Variants in PACRG observed in about 807,000 individuals in gnomAD.
The protein encoded by PACRG is parkin coregulated.
PACRG carries 29 observed loss-of-function variants against 29.7 expected under a neutral mutation model. The ratio of observed to expected loss-of-function variants is 0.98; its 90% CI spans 0.73 to 1.33. The LOEUF is 1.33. Among genes scored for constraint, PACRG ranks in the 40% most tolerant of loss-of-function variants. The probability of loss-of-function intolerance (pLI) is 0.00; values close to 1 mark genes in which losing one functional copy is unlikely to be tolerated. For synonymous variants in PACRG, 116 were observed against 118.7 expected (o/e 0.98, Z 0.15); for missense variants, 279 against 316.2 (o/e 0.88, Z 0.89).
At chr6:163,086,134 C>G (rs1363929223) in intron 3 of PACRG, among the ~76,000 whole-genome samples, 2 of 151,906 alleles carry the variant, frequency 1.3e-5, no homozygotes, top group African/African-American at 2.4e-5. Context: ...TCAACTGCCC[C>G]CAATCCTTAG....
intron 2 of PACRG, among the ~76,000 whole-genome samples, chr6:162,994,817 C>T (rs1166064146): frequency 6.6e-6 from 1 of 151,234 alleles, no homozygotes; most frequent in Non-Finnish European, 1.5e-5. Context: ...GAGAGGCGCT[C>T]TGCGTTTTAG....
At chr6:163,118,323 G>A (rs1050790321) in intron 4 of PACRG, among the ~76,000 whole-genome samples, 1 of 152,214 alleles carries the variant, frequency 6.6e-6, no homozygotes, top group African/African-American at 2.4e-5. Context: ...CCTCCTGAGT[G>A]ATAGTGGCAA....
At position 162,730,232 on chromosome 6, in the gene PACRG, T is replaced by C. The variant is rs563799911; in HGVS notation, c.156+1841T>C. ...CGTTTATACAAAATAACTTCAGTGG[T>C]ACAGGAAATAAAAATTTTCAATTTC... On this transcript the variant is annotated intron_variant, in intron 1 of 4. Coordinates refer to ENST00000366888, the MANE Select transcript of PACRG (RefSeq NM_001080379.2). Among the ~76,000 whole-genome samples the C allele has an allele frequency of 3.3e-5, 5 of 152,286 alleles. No individual in the cohort carries two copies. The East Asian group carries it at 9.6e-4, about 29-fold the overall frequency.
At chr6:162,997,443 G>T (rs1171256275) in intron 2 of PACRG, 1 of 453,472 alleles carries the variant, frequency 2.2e-6, no homozygotes, top group South Asian at 1.6e-5. Context: ...ACATCACCTT[G>T]GCCCTTAAGT....
chr6:163,269,623 G>C (rs1783657666), intron 4 of PACRG, among the ~76,000 whole-genome samples: 3 of 151,776 alleles, frequency 2.0e-5, no homozygotes, highest in African/African-American at 7.3e-5. Flanking sequence ...ATTCAATATG[G>C]TAAAGATATC....
intron 4 of PACRG, among the ~76,000 whole-genome samples, chr6:163,253,255 G>A (rs776945982): frequency 4.2e-4 from 60 of 144,530 alleles, no homozygotes; most frequent in Non-Finnish European, 7.6e-4. Context: ...AGGGGAGATC[G>A]CACCACTGCA....
intron 4 of PACRG, among the ~76,000 whole-genome samples, chr6:163,149,974 C>T (rs1403608923): frequency 2.6e-5 from 4 of 152,218 alleles, no homozygotes; most frequent in Non-Finnish European, 5.9e-5. Context: ...ATTTAAAGTT[C>T]CCCATTTTTA....
intron 2 of PACRG, among the ~76,000 whole-genome samples, chr6:162,942,076 CA>C (rs1211725450): frequency 3.9e-5 from 6 of 152,178 alleles, no homozygotes; most frequent in Non-Finnish European, 1.5e-5. Context: ...TTTGCAGAAC[CA>C]AAATTGAAGC....
At chr6:163,104,985 A>G (rs1191382975) in intron 4 of PACRG, among the ~76,000 whole-genome samples, 1 of 152,196 alleles carries the variant, frequency 6.6e-6, no homozygotes, top group Non-Finnish European at 1.5e-5. Context: ...AAAATAAGGC[A>G]CTAATCTACA....
At chr6:163,081,767 T>C (rs752837861) in intron 3 of PACRG, among the ~76,000 whole-genome samples, 1 of 151,550 alleles carries the variant, frequency 6.6e-6, no homozygotes, top group African/African-American at 2.4e-5. Flanking sequence ...GAAAAAAAAG[T>C]GGGGGGGAGT....
chr6:163,269,906 GAA>G (rs1208314620), intron 4 of PACRG, among the ~76,000 whole-genome samples: 1 of 63,658 alleles, frequency 1.6e-5, no homozygotes, highest in East Asian at 4.0e-4. Flanking sequence ...AAGAAAGAAA[GAA>G]AGAAAGAAAG....
intron 2 of PACRG, among the ~76,000 whole-genome samples, chr6:162,856,298 A>G (rs760804904): frequency 4.6e-5 from 7 of 152,122 alleles, no homozygotes; most frequent in East Asian, 1.9e-4. Context: ...GCCTCAAGCT[A>G]TCTTCCCACT....
intron 4 of PACRG, among the ~76,000 whole-genome samples, chr6:163,300,596 C>T (rs559856156): frequency 6.6e-6 from 1 of 152,214 alleles, no homozygotes; most frequent in African/African-American, 2.4e-5. Context: ...GAGATAGTCT[C>T]TCTGTCAATT....
At chr6:162,809,235 T>A (rs533443015) in intron 1 of PACRG, among the ~76,000 whole-genome samples, 3 of 152,112 alleles carry the variant, frequency 2.0e-5, no homozygotes, top group Non-Finnish European at 2.9e-5. Context: ...TTGCTTCTGT[T>A]ACAAGTTCCG....
At chr6:162,796,493 G>A (rs1028983269) in intron 1 of PACRG, among the ~76,000 whole-genome samples, 5 of 151,636 alleles carry the variant, frequency 3.3e-5, no homozygotes, top group South Asian at 2.1e-4. Context: ...TCTTTATAAC[G>A]GTATATCACC....
intron 4 of PACRG, among the ~76,000 whole-genome samples, chr6:163,150,381 ATCC>A (rs1317063300): frequency 6.6e-6 from 1 of 152,038 alleles, no homozygotes; most frequent in African/African-American, 2.4e-5. Context: ...GCTGGCTCTA[ATCC>A]TCCTCTACAG....
At chr6:163,168,278 T>C (rs1300483857) in intron 4 of PACRG, among the ~76,000 whole-genome samples, 1 of 152,168 alleles carries the variant, frequency 6.6e-6, no homozygotes, top group Non-Finnish European at 1.5e-5. Flanking sequence ...AAGACCAGCC[T>C]GGCCAACATG....
At chr6:162,951,119 A>G (rs1179553856) in intron 2 of PACRG, among the ~76,000 whole-genome samples, 2 of 152,218 alleles carry the variant, frequency 1.3e-5, no homozygotes, top group Non-Finnish European at 2.9e-5. Flanking sequence ...AAGTTCCCTG[A>G]AAAGGAAGTA....
chr6:163,177,841 C>T (rs1193713726), intron 4 of PACRG, among the ~76,000 whole-genome samples: 2 of 147,678 alleles, frequency 1.4e-5, no homozygotes, highest in African/African-American at 2.5e-5. Flanking sequence ...AGCACACATG[C>T]TTCCAAACAG....
Sources: gnomAD v4.1 joint callset for allele counts (sites outside exome capture counted in the v4.1 genomes callset) on GRCh38, gnomAD v4.1.1 for gene constraint, MANE v1.5 for transcripts, NCBI Gene and HGNC (gene_info 2026-07-23, HGNC 2026-07-21) for gene names.